Variants in NSMCE1 observed in about 807,000 individuals in gnomAD.
NSMCE1 encodes the protein NSE1 component of SMC5/6 complex, also known as non-structural maintenance of chromosomes element 1 homolog.
In NSMCE1, 18 loss-of-function variants were observed where a neutral mutation model predicts 29.6. That is an observed-to-expected ratio of 0.61 (90% CI 0.42 to 0.90). The LOEUF (loss-of-function observed/expected upper bound fraction) is 0.90, where lower values mean the gene tolerates loss of function less well. Ranked by LOEUF, NSMCE1 falls within the 40% of genes least tolerant of loss-of-function variation. The pLI, the probability that NSMCE1 is intolerant of heterozygous loss-of-function variation, is 0.00. For synonymous variants in NSMCE1, 124 were observed against 133.4 expected, an observed-to-expected ratio of 0.93 and a Z score of 0.49; for missense variants, 314 against 343.6, an observed-to-expected ratio of 0.91 and a Z score of 0.68.
intron 2 of NSMCE1, among the ~76,000 whole-genome samples, chr16:27,255,716 T>C (rs762498845): frequency 8.5e-5 from 13 of 152,224 alleles, no homozygotes; most frequent in Non-Finnish European, 1.6e-4. Context: ...TTTGCACACC[T>C]TGAAAGAATA....
At chr16:27,236,292 CTTT>C (rs35108912) in intron 2 of NSMCE1, among the ~76,000 whole-genome samples, 1,940 of 92,072 alleles carry the variant, frequency 0.021, 30 homozygotes, top group African/African-American at 0.059. Context: ...TGCTGTGAAA[CTTT>C]TTTTTTTTTT....
intron 2 of NSMCE1, among the ~76,000 whole-genome samples, chr16:27,249,759 C>A (rs1341164969): frequency 6.6e-6 from 1 of 152,206 alleles, no homozygotes; most frequent in Non-Finnish European, 1.5e-5. Context: ...CTTTACATTT[C>A]CATGTGAATT....
At chr16:27,252,557 A>T (rs893856108) in intron 2 of NSMCE1, among the ~76,000 whole-genome samples, 2 of 151,848 alleles carry the variant, frequency 1.3e-5, no homozygotes, top group Admixed American at 6.6e-5. Flanking sequence ...CTGACGCAGG[A>T]TGATCACTTG....
Position 27,235,170 on chromosome 16 carries a change from G to C in NSMCE1, c.258+8C>G. The stretch of plus-strand genomic sequence containing the variant: ...AAATGCCACTAGAGGGCTCTGCCGG[G>C]CACTCACCAACGCATAAATGGGTCT... On this transcript the variant is annotated splice_region_variant and intron_variant, in intron 3 of 7. Transcript: ENST00000361439. The C allele has an allele frequency of 6.2e-7, 1 of 1,613,048 alleles. No homozygotes were observed. The highest frequency in any genetic ancestry group is 8.5e-7 in the Non-Finnish European group (1 of 1,179,736).
At chr16:27,244,856 C>T (rs1252249441) in intron 2 of NSMCE1, among the ~76,000 whole-genome samples, 4 of 152,270 alleles carry the variant, frequency 2.6e-5, no homozygotes, top group Admixed American at 2.6e-4. Context: ...AGCAGCCCAA[C>T]ATTCAGCTGA....
rs910718950 is a variant in NSMCE1 at position 27,268,709 on chromosome 16, G to T, written c.-15C>A. The T allele has an allele frequency of 6.5e-6, 1 of 152,792 alleles. No individual in the cohort carries two copies. The highest frequency in any genetic ancestry group is 2.1e-4 in the South Asian group (1 of 4,836). 9.5% of individuals were successfully genotyped at this position (152,792 alleles called of 1,614,324 possible). The stretch of plus-strand genomic sequence containing the variant: ...CCTAGCTCCCCACGTTACCCACCAG[G>T]GAGCCCAAGCGCATCCCAGGCCGCG... On this transcript the variant is annotated 5_prime_UTR_variant, in exon 1 of 8. Coordinates refer to ENST00000361439, the MANE Select transcript of NSMCE1 (RefSeq NM_145080.4).
chr16:27,252,167 T>C (rs989664095), intron 2 of NSMCE1, among the ~76,000 whole-genome samples: 1 of 152,184 alleles, frequency 6.6e-6, no homozygotes, highest in Admixed American at 6.5e-5. Context: ...GATAGAAGCA[T>C]CTTTTGCTCT....
rs989131602 is a variant in NSMCE1, at chr16:27,225,047, G to A, written c.*110C>T. 1.5e-6 allele frequency: 1 copy of A among 675,636 alleles called. No individual in the cohort carries two copies. The highest frequency in any genetic ancestry group is 2.7e-6 in the Non-Finnish European group (1 of 374,256). The allele number at this position is 675,636 out of a possible 1,614,324, so 41.9% of individuals were successfully genotyped here. ...CAAAGCTGTGGACGGTGAACATTAA[G>A]ACGAAAGAGGTGACTCGCGTGGAAC... On this transcript the variant is annotated 3_prime_UTR_variant, in exon 8 of 8. Transcript: ENST00000361439.
At chr16:27,225,585 T>G (rs2083680270) in intron 7 of NSMCE1, 141 bp downstream of exon 7, 3 of 978,488 alleles carry the variant, frequency 3.1e-6, no homozygotes, top group African/African-American at 3.3e-5. Flanking sequence ...TGCAGTGGCT[T>G]CTTCTAGGAT....
chr16:27,236,787 G>C (rs2083830768), intron 2 of NSMCE1, among the ~76,000 whole-genome samples: 1 of 152,200 alleles, frequency 6.6e-6, no homozygotes, highest in South Asian at 2.1e-4. Flanking sequence ...CAGTCCCACA[G>C]GAAAAGGCCC....
intron 2 of NSMCE1, among the ~76,000 whole-genome samples, chr16:27,249,632 G>C (rs1276431138): frequency 6.6e-6 from 1 of 152,036 alleles, no homozygotes; most frequent in Non-Finnish European, 1.5e-5. Context: ...TCATCTGTTT[G>C]TCCATCATGA....
chr16:27,251,154 T>C (rs995599954), intron 2 of NSMCE1, among the ~76,000 whole-genome samples: 1 of 85,594 alleles, frequency 1.2e-5, no homozygotes, highest in Admixed American at 1.6e-4. Flanking sequence ...ATTTTAATTA[T>C]TTAAAATATA....
chr16:27,246,419 A>G (rs1596685789), intron 2 of NSMCE1, among the ~76,000 whole-genome samples: 1 of 152,252 alleles, frequency 6.6e-6, no homozygotes, highest in East Asian at 1.9e-4. Context: ...TGTACCTCAC[A>G]GCAGTCTGGC....
At position 27,231,637 on chromosome 16, in the gene NSMCE1, T is replaced by TAA. The variant is rs71387778; in HGVS notation, c.483+1362_483+1363dup. On this transcript the variant is annotated intron_variant, in intron 5 of 7. Coordinates refer to ENST00000361439, the MANE Select transcript of NSMCE1 (RefSeq NM_145080.4). ...GGGCAACAAGAGCAAAACTCCATCT[T>TAA]AAAAAAAAAAAAAAAATTGGCCTGA... Among the ~76,000 whole-genome samples the TAA allele has an allele frequency of 1.8e-3, 251 of 140,684 alleles. 1 individual carries two copies. The South Asian group carries it at 0.022, about 12-fold the overall frequency. 92.3% of individuals were successfully genotyped at this position (140,684 alleles called of 152,430 possible). A position where few individuals can be genotyped will look rare whatever the true frequency, so the allele number is the denominator to read the frequency against.
chr16:27,262,991 A>G (rs1245869855), intron 1 of NSMCE1, among the ~76,000 whole-genome samples: 1 of 152,252 alleles, frequency 6.6e-6, no homozygotes, highest in Non-Finnish European at 1.5e-5. Context: ...CAAAACCACA[A>G]TGAGATACCA....
intron 2 of NSMCE1, among the ~76,000 whole-genome samples, chr16:27,244,235 C>T (rs549604118): frequency 1.6e-4 from 25 of 152,208 alleles, no homozygotes; most frequent in Non-Finnish European, 2.8e-4. Context: ...ACACTTTATC[C>T]GTGGAGGACT....
At chr16:27,242,194 C>G (rs2083903175) in intron 2 of NSMCE1, among the ~76,000 whole-genome samples, 1 of 152,108 alleles carries the variant, frequency 6.6e-6, no homozygotes, top group Non-Finnish European at 1.5e-5. Flanking sequence ...CAGTGCTCAA[C>G]AATCATATAA....
intron 5 of NSMCE1, among the ~76,000 whole-genome samples, chr16:27,228,108 G>T (rs2083721456): frequency 6.6e-6 from 1 of 152,132 alleles, no homozygotes; most frequent in Admixed American, 6.5e-5. Flanking sequence ...GACAGGTAGA[G>T]CCCCCCACCC....
chr16:27,235,388 A>T, intron 2 of NSMCE1, 89 bp from the exon 3 acceptor site: 1 of 1,449,864 alleles, frequency 6.9e-7, no homozygotes, highest in Non-Finnish European at 9.5e-7. Context: ...TCCCATCTCA[A>T]CGCAGGGGAC....
Sources: gnomAD v4.1 joint callset for allele counts (sites outside exome capture counted in the v4.1 genomes callset) on GRCh38, gnomAD v4.1.1 for gene constraint, MANE v1.5 for transcripts, NCBI Gene and HGNC (gene_info 2026-07-23, HGNC 2026-07-21) for gene names.